Variants in SLC25A26 observed in about 807,000 individuals in gnomAD.
SLC25A26 encodes the protein solute carrier family 25 member 26.
Under a neutral mutation model 37.8 loss-of-function variants are expected in SLC25A26, and 36 were observed. The observed-to-expected ratio is 0.95, with a 90% confidence interval of 0.73 to 1.26. The LOEUF (loss-of-function observed/expected upper bound fraction) is 1.26, where lower values mean the gene tolerates loss of function less well. Ranked by LOEUF, SLC25A26 falls within the 50% of genes most tolerant of loss-of-function variation. The pLI is 0.00. For synonymous variants in SLC25A26, 129 were observed against 122.5 expected (o/e 1.05, Z -0.35); for missense variants, 390 against 331.1 (o/e 1.18, Z -1.38).
chr3:66,304,424 T>A (rs1311932114), intron 5 of SLC25A26: 1 of 456,256 alleles, frequency 2.2e-6, no homozygotes, highest in Non-Finnish European at 4.4e-6. Flanking sequence ...CACATGTCTG[T>A]TGTCATATTT....
At chr3:66,233,745 A>G (rs1242887505) in intron 1 of SLC25A26, among the ~76,000 whole-genome samples, 1 of 152,172 alleles carries the variant, frequency 6.6e-6, no homozygotes, top group African/African-American at 2.4e-5. Flanking sequence ...TGAGTTATAT[A>G]GAAGTTTGAA....
chr3:66,369,472 G>T lies in SLC25A26; in HGVS notation c.569-6G>T. 1 of 1,600,500 alleles carries T rather than the reference G, an allele frequency of 6.2e-7. No homozygotes were observed. The highest frequency in any genetic ancestry group is 8.5e-7 in the Non-Finnish European group (1 of 1,173,406). On this transcript the variant is annotated splice_polypyrimidine_tract_variant and splice_region_variant and intron_variant, in intron 7 of 9. Coordinates refer to ENST00000354883, the MANE Select transcript of SLC25A26 (RefSeq NM_001379210.1). Reference sequence around the variant, plus strand: ...CTCACTTGGGTGTTGGGTATTATTTGTACAGGTGGATTTGCCGCTGCAGTC... The same window carrying T: ...CTCACTTGGGTGTTGGGTATTATTTTTACAGGTGGATTTGCCGCTGCAGTC...
intron 5 of SLC25A26, among the ~76,000 whole-genome samples, chr3:66,330,082 T>C (rs1447693052): frequency 6.6e-6 from 1 of 152,160 alleles, no homozygotes; most frequent in African/African-American, 2.4e-5. Flanking sequence ...TGCTCATTTT[T>C]CAGTACACTC....
intron 5 of SLC25A26, among the ~76,000 whole-genome samples, chr3:66,276,418 G>A (rs967788129): frequency 6.6e-6 from 1 of 151,988 alleles, no homozygotes; most frequent in Non-Finnish European, 1.5e-5. Flanking sequence ...ATGTGATGGG[G>A]GATCTACAAG....
At chr3:66,235,410 G>A (rs1051954401) in intron 1 of SLC25A26, among the ~76,000 whole-genome samples, 2 of 152,088 alleles carry the variant, frequency 1.3e-5, no homozygotes, top group African/African-American at 4.8e-5. Context: ...GGTATCTCTT[G>A]GGAGATGACT....
intron 6 of SLC25A26, among the ~76,000 whole-genome samples, chr3:66,353,102 T>C (rs2107768588): frequency 6.6e-6 from 1 of 152,292 alleles, no homozygotes; most frequent in Admixed American, 6.5e-5. Context: ...GAGGTGGGCC[T>C]TGTTGTTATC....
At chr3:66,327,107 T>C (rs1241178193) in intron 5 of SLC25A26, among the ~76,000 whole-genome samples, 2 of 152,232 alleles carry the variant, frequency 1.3e-5, no homozygotes, top group Non-Finnish European at 2.9e-5. Flanking sequence ...TGGGAACTTC[T>C]TCAGCTGAGC....
At chr3:66,352,595 A>G (rs2076484402) in intron 6 of SLC25A26, among the ~76,000 whole-genome samples, 1 of 151,826 alleles carries the variant, frequency 6.6e-6, no homozygotes, top group Non-Finnish European at 1.5e-5. Context: ...GACAAATAAT[A>G]TCTGTATATT....
At chr3:66,143,684 G>C (rs1468166918) in intron 1 of SLC25A26, among the ~76,000 whole-genome samples, 1 of 152,106 alleles carries the variant, frequency 6.6e-6, no homozygotes, top group East Asian at 1.9e-4. Flanking sequence ...AGGAGTTCGA[G>C]ACCAGTCTGG....
At chr3:66,338,213 A>G (rs1419248034) in intron 5 of SLC25A26, among the ~76,000 whole-genome samples, 1 of 152,046 alleles carries the variant, frequency 6.6e-6, no homozygotes, top group African/African-American at 2.4e-5. Context: ...ATTCCTTTAT[A>G]TGAATACACC....
chr3:66,242,763 G>A (rs1186857164), intron 2 of SLC25A26, among the ~76,000 whole-genome samples: 1 of 152,148 alleles, frequency 6.6e-6, no homozygotes, highest in African/African-American at 2.4e-5. Context: ...TGAGTAACCA[G>A]TAATAAAACA....
At chr3:66,305,326 C>G (rs991681610) in intron 5 of SLC25A26, among the ~76,000 whole-genome samples, 1 of 152,118 alleles carries the variant, frequency 6.6e-6, no homozygotes, top group East Asian at 1.9e-4. Context: ...TAAGGTGTTT[C>G]TCTAAGAGTA....
At chr3:66,341,959 A>G (rs564968812) in intron 5 of SLC25A26, among the ~76,000 whole-genome samples, 1 of 152,178 alleles carries the variant, frequency 6.6e-6, no homozygotes, top group East Asian at 1.9e-4. Context: ...TGGGACAAGG[A>G]ATTTTTAGGT....
intron 1 of SLC25A26, among the ~76,000 whole-genome samples, chr3:66,227,967 G>C (rs1362572713): frequency 6.6e-6 from 1 of 152,076 alleles, no homozygotes; most frequent in Non-Finnish European, 1.5e-5. Flanking sequence ...TTTTCAATTT[G>C]GAGTAAAGGG....
At chr3:66,311,662 G>T (rs1199032113) in intron 5 of SLC25A26, among the ~76,000 whole-genome samples, 2 of 152,046 alleles carry the variant, frequency 1.3e-5, no homozygotes, top group Non-Finnish European at 2.9e-5. Context: ...ATGACTTTTG[G>T]ATAGGGTTTT....
rs535692999 is a variant in SLC25A26 at position 66,302,662 on chromosome 3, C to A, written c.453+39283C>A. Among the ~76,000 whole-genome samples the A allele has an allele frequency of 7.2e-5, 11 of 152,262 alleles. No homozygotes were observed. The East Asian group carries it at 1.7e-3, about 24-fold the overall frequency. On this transcript the variant is annotated intron_variant, in intron 5 of 9. Coordinates refer to ENST00000354883, the MANE Select transcript of SLC25A26 (RefSeq NM_001379210.1). ...GTGTAAAACATACATTAGTTAAAATCAAGTATGCATAATAGTGTTTTGGCT... is the reference window on the plus strand; with the variant it reads ...GTGTAAAACATACATTAGTTAAAATAAAGTATGCATAATAGTGTTTTGGCT...
At chr3:66,344,418 G>A (rs1450776540) in intron 5 of SLC25A26, among the ~76,000 whole-genome samples, 3 of 151,740 alleles carry the variant, frequency 2.0e-5, no homozygotes, top group African/African-American at 2.4e-5. Context: ...AGCTGAGATC[G>A]TGCCACTGCA....
At chr3:66,174,742 C>T (rs1576611985) in intron 1 of SLC25A26, among the ~76,000 whole-genome samples, 1 of 150,744 alleles carries the variant, frequency 6.6e-6, no homozygotes, top group Non-Finnish European at 1.5e-5. Flanking sequence ...GCCGAGATCG[C>T]GCCACTGCAC....
intron 3 of SLC25A26, among the ~76,000 whole-genome samples, chr3:66,245,695 T>C (rs2072801731): frequency 6.6e-6 from 1 of 152,256 alleles, no homozygotes; most frequent in Non-Finnish European, 1.5e-5. Context: ...CTACAAACTG[T>C]TTAGTAACCT....
Sources: allele counts gnomAD v4.1 joint callset (sites outside exome capture counted in the v4.1 genomes callset), GRCh38; gene constraint gnomAD v4.1.1; transcripts MANE v1.5; gene names NCBI Gene and HGNC (gene_info 2026-07-23, HGNC 2026-07-21).